PPTC7: variants seen among roughly 807,000 people sequenced by gnomAD.
The protein encoded by PPTC7 is protein phosphatase targeting COQ7.
Under a neutral mutation model 30.8 loss-of-function variants are expected in PPTC7, and 6 were observed. That is an observed-to-expected ratio of 0.19 (90% CI 0.11 to 0.38). PPTC7 has a LOEUF of 0.38. Among genes scored for constraint, PPTC7 ranks in the 10% least tolerant of loss-of-function variants. The probability of loss-of-function intolerance (pLI) is 1.00; values close to 1 mark genes in which losing one functional copy is unlikely to be tolerated. For synonymous variants in PPTC7, 163 were observed against 168.1 expected (o/e 0.97, Z 0.23); for missense variants, 218 against 404.8 (o/e 0.54, Z 3.96).
At chr12:110,547,995 T>TGGAGGGC (rs1278815677) in intron 2 of PPTC7, among the ~76,000 whole-genome samples, 1 of 151,966 alleles carries the variant, frequency 6.6e-6, no homozygotes, top group Non-Finnish European at 1.5e-5. Flanking sequence ...TAATCCCAGC[T>TGGAGGGC]ACTTCGGAGG....
chr12:110,539,066 A>G (rs1309809393), intron 4 of PPTC7, among the ~76,000 whole-genome samples: 1 of 152,176 alleles, frequency 6.6e-6, no homozygotes, highest in Non-Finnish European at 1.5e-5. Context: ...GCCTGTGACA[A>G]GGAAGCACCT....
At chr12:110,560,144 A>G (rs139026749) in intron 1 of PPTC7, among the ~76,000 whole-genome samples, 1 of 152,302 alleles carries the variant, frequency 6.6e-6, no homozygotes, top group African/African-American at 2.4e-5. Flanking sequence ...TCATACCTGT[A>G]ATCCCAGCAT....
chr12:110,561,348 CTG>C (rs1303662358), intron 1 of PPTC7, among the ~76,000 whole-genome samples: 3 of 151,954 alleles, frequency 2.0e-5, no homozygotes, highest in Non-Finnish European at 4.4e-5. Flanking sequence ...GAGTCTCACT[CTG>C]TGGCCTAGGC....
In PPTC7 at chr12:110,566,955, G is replaced by A. The variant is rs1047826940; in HGVS notation, c.224-14987C>T. 7.2e-5 allele frequency among the ~76,000 whole-genome samples: 11 copies of A among 152,196 alleles called. 1 individual carries two copies. The highest frequency in any genetic ancestry group is 5.9e-4 in the Admixed American group (9 of 15,272). On this transcript the variant is annotated intron_variant, in intron 1 of 5. Transcript: ENST00000354300. ...AAGGACTCTGAAGTAACCTTACTTA[G>A]CAAATACTTCAGAGCCTGCTGCCTC...
In PPTC7 at chr12:110,583,110, A is replaced by G; in HGVS notation, c.-79T>C. 5 of 1,159,884 alleles carry G rather than the reference A, an allele frequency of 4.3e-6. No individual in the cohort carries two copies. The highest frequency in any genetic ancestry group is 5.5e-6 in the Non-Finnish European group (5 of 911,510). The allele number at this position is 1,159,884 out of a possible 1,614,324, so 71.8% of individuals were successfully genotyped here. On this transcript the variant is annotated 5_prime_UTR_variant, in exon 1 of 6. Coordinates refer to ENST00000354300, the MANE Select transcript of PPTC7 (RefSeq NM_139283.2). ...GAGGCCCGGAGCCGGCTCTCTCCTC[A>G]GCCGCAGTCGCGCCGCCGCTGGGGC...
At chr12:110,548,464 T>C (rs936190274) in intron 2 of PPTC7, among the ~76,000 whole-genome samples, 3 of 152,188 alleles carry the variant, frequency 2.0e-5, no homozygotes, top group Non-Finnish European at 4.4e-5. Context: ...AAAGCACGGG[T>C]ACTGTAACTC....
At chr12:110,552,031 C>T in intron 1 of PPTC7, 63 bp from the exon 2 acceptor site, 2 of 1,358,540 alleles carry the variant, frequency 1.5e-6, no homozygotes, top group Non-Finnish European at 1.0e-6. Context: ...GAATTCTTAC[C>T]TCTGTTTTCT....
intron 1 of PPTC7, among the ~76,000 whole-genome samples, chr12:110,563,924 G>C (rs1296212297): frequency 6.6e-6 from 1 of 152,178 alleles, no homozygotes; most frequent in Admixed American, 6.5e-5. Flanking sequence ...ATTGTGTGAA[G>C]GCAAAGAAAC....
intron 3 of PPTC7, among the ~76,000 whole-genome samples, chr12:110,544,416 T>C (rs1204481797): frequency 1.3e-5 from 2 of 152,232 alleles, no homozygotes; most frequent in Non-Finnish European, 2.9e-5. Flanking sequence ...CATTTATGAA[T>C]TGCCAGTGAT....
At chr12:110,568,007 C>CA (rs1308263207) in intron 1 of PPTC7, among the ~76,000 whole-genome samples, 1 of 142,506 alleles carries the variant, frequency 7.0e-6, no homozygotes, top group African/African-American at 2.6e-5. Context: ...AAAAACAAAC[C>CA]AAACCAAACA....
At chr12:110,543,811 G>A (rs1156862526) in intron 3 of PPTC7, among the ~76,000 whole-genome samples, 1 of 152,286 alleles carries the variant, frequency 6.6e-6, no homozygotes, top group East Asian at 1.9e-4. Flanking sequence ...ACATGCTAGC[G>A]AGCTGTCTCT....
chr12:110,541,868 A>G (rs2064263075), intron 3 of PPTC7, among the ~76,000 whole-genome samples: 1 of 151,138 alleles, frequency 6.6e-6, no homozygotes, highest in Non-Finnish European at 1.5e-5. Context: ...TATCTTGACC[A>G]GGCGTGGTGG....
Position 110,558,990 on chromosome 12 carries a change from A to G in PPTC7, c.224-7022T>C, listed in dbSNP as rs1426250005. 2.6e-5 allele frequency among the ~76,000 whole-genome samples: 4 copies of G among 151,956 alleles called. No individual in the cohort carries two copies. In the East Asian group the frequency reaches 7.8e-4, roughly 30 times the overall value. The stretch of plus-strand genomic sequence containing the variant: ...TAGTTACAGTATTTATGTTTTTACA[A>G]AGTATTTTATTAAGTTTTCCATAGA... On this transcript the variant is annotated intron_variant, in intron 1 of 5. Coordinates refer to ENST00000354300, the MANE Select transcript of PPTC7 (RefSeq NM_139283.2).
chr12:110,546,762 C>A (rs756546766), intron 2 of PPTC7: 2 of 152,446 alleles, frequency 1.3e-5, no homozygotes, highest in Non-Finnish European at 2.9e-5. Flanking sequence ...GCACAACTAG[C>A]AGAGACCACT....
chr12:110,571,129 G>A lies in PPTC7; in HGVS notation c.223+11680C>T, dbSNP rs142036388. 6.0e-3 allele frequency among the ~76,000 whole-genome samples: 914 copies of A among 152,108 alleles called. 9 individuals are homozygous for A. The highest frequency in any genetic ancestry group is 0.02 in the African/African-American group (843 of 41,478). On this transcript the variant is annotated intron_variant, in intron 1 of 5. Coordinates refer to ENST00000354300, the MANE Select transcript of PPTC7 (RefSeq NM_139283.2). ...AGCCTTACGGTAAGCTTGTGCACTCGGAAGAAGCTAGGGTGATAATGGGGC... is the reference window on the plus strand; with the variant it reads ...AGCCTTACGGTAAGCTTGTGCACTCAGAAGAAGCTAGGGTGATAATGGGGC...
At chr12:110,541,682 G>A (rs2064260306) in intron 3 of PPTC7, among the ~76,000 whole-genome samples, 2 of 129,808 alleles carry the variant, frequency 1.5e-5, no homozygotes, top group South Asian at 2.4e-4. Context: ...CTAGGGCAAC[G>A]AGAGCTAAAC....
chr12:110,583,175 C>T lies in PPTC7; in HGVS notation c.-144G>A, dbSNP rs1471426106. The T allele has an allele frequency of 1.0e-4, 41 of 395,376 alleles. No homozygotes were observed. Among genetic ancestry groups the T allele is most frequent in the Non-Finnish European group, 1.4e-4 (38 of 264,506 alleles). 24.5% of individuals were successfully genotyped at this position (395,376 alleles called of 1,614,324 possible). A position where few individuals can be genotyped will look rare whatever the true frequency, so the allele number is the denominator to read the frequency against. On this transcript the variant is annotated 5_prime_UTR_variant, in exon 1 of 6. Transcript: ENST00000354300. ...CGCGCAGTGGCCGCCGCCGCCCCTG[C>T]CCGACGCGCGGGGCCTCGCACGCGC... is the stretch of plus-strand genomic sequence containing the variant.
chr12:110,537,105 A>G lies in PPTC7; in HGVS notation c.857-10T>C. On this transcript the variant is annotated splice_polypyrimidine_tract_variant and intron_variant, in intron 5 of 5. Transcript: ENST00000354300. ...TCATCTGGCTTTCCACCTACAATGAAAATGAGAACCTATCAGTATATTTTA... is the reference window on the plus strand; with the variant it reads ...TCATCTGGCTTTCCACCTACAATGAGAATGAGAACCTATCAGTATATTTTA... 6.3e-7 allele frequency: 1 copy of G among 1,595,366 alleles called. No homozygotes were observed. The highest frequency in any genetic ancestry group is 1.1e-5 in the South Asian group (1 of 90,410).
At chr12:110,538,813 C>G (rs1360780467) in intron 4 of PPTC7, among the ~76,000 whole-genome samples, 2 of 152,176 alleles carry the variant, frequency 1.3e-5, no homozygotes, top group Admixed American at 1.3e-4. Flanking sequence ...AGTATAATGA[C>G]AGGTCTCTGC....
Sources: gnomAD v4.1 joint callset for allele counts (sites outside exome capture counted in the v4.1 genomes callset) on GRCh38, gnomAD v4.1.1 for gene constraint, MANE v1.5 for transcripts, NCBI Gene and HGNC (gene_info 2026-07-23, HGNC 2026-07-21) for gene names.